Variants in RAD54L2 observed in about 807,000 individuals in gnomAD.
RAD54L2 encodes helicase ARIP4.
Under a neutral mutation model 138.4 loss-of-function variants are expected in RAD54L2, and 27 were observed. The observed-to-expected ratio is 0.20, with a 90% confidence interval of 0.14 to 0.27. The LOEUF (loss-of-function observed/expected upper bound fraction) is 0.27, where lower values mean the gene tolerates loss of function less well. RAD54L2 is among the 10% of genes least tolerant of loss of function. The pLI, the probability that RAD54L2 is intolerant of heterozygous loss-of-function variation, is 1.00. For missense variants in RAD54L2, 1,396 were observed against 1,890.2 expected (o/e 0.74, Z 4.85); for synonymous variants, 644 against 723.2 (o/e 0.89, Z 1.76).
At position 51,627,619 on chromosome 3, in the gene RAD54L2, C is replaced by T. The variant is rs758185170; in HGVS notation, c.206C>T (p.Pro69Leu). ...TTGGGAGAAGATGGGCAGCAGCCGC[C>T]GCGGTGCACTTCAACTACCTCATCT... is the stretch of plus-strand genomic sequence containing the variant. Reference protein sequence around the residue: ...AQLGEDGQQPPRCTSTTSSQS... With the variant: ...AQLGEDGQQPLRCTSTTSSQS... The change falls in exon 4 of 23, where the codon CCG becomes CTG. Residue 69 changes from proline (P) to leucine (L), a missense_variant. By Grantham distance (98) the Pro-to-Leu change is moderately conservative. This residue lies in a region of RAD54L2 where 256 missense variants were observed against 344.6 expected (regional missense o/e 0.74). Transcript: ENST00000684192. The T allele has an allele frequency of 7.0e-6, 11 of 1,572,026 alleles. No individual in the cohort carries two copies. The highest frequency in any genetic ancestry group is 4.1e-5 in the African/African-American group (3 of 73,654).
chr3:51,561,847 G>A (rs892618526), intron 2 of RAD54L2, among the ~76,000 whole-genome samples: 3 of 151,476 alleles, frequency 2.0e-5, no homozygotes, highest in African/African-American at 7.3e-5. Flanking sequence ...GGGTCATCAC[G>A]CCTGGCTTGG....
chr3:51,603,528 A>G (rs1453688024), intron 3 of RAD54L2, among the ~76,000 whole-genome samples: 1 of 151,860 alleles, frequency 6.6e-6, no homozygotes, highest in Non-Finnish European at 1.5e-5. Flanking sequence ...AATTGCTTGA[A>G]CCTGGGAGTG....
rs539541758 is a variant in RAD54L2 at position 51,555,564 on chromosome 3, G to A, written c.-55+13914G>A. On this transcript the variant is annotated intron_variant, in intron 2 of 22. Transcript: ENST00000684192. ...CCCAGCTACTTGGAGGCTGAGGTGG[G>A]AGAATTGCTTGAACCTGGGGGAGGC... 9.6e-4 allele frequency among the ~76,000 whole-genome samples: 146 copies of A among 152,300 alleles called. 1 individual carries two copies. Among genetic ancestry groups the A allele is most frequent in the Non-Finnish European group, 1.7e-3 (116 of 68,036 alleles).
intron 2 of RAD54L2, among the ~76,000 whole-genome samples, chr3:51,565,506 T>C (rs1577391696): frequency 6.6e-6 from 1 of 152,304 alleles, no homozygotes; most frequent in South Asian, 2.1e-4. Flanking sequence ...GATGGCGTCT[T>C]ACTCTGTCAC....
chr3:51,608,138 C>T (rs1309200263), intron 3 of RAD54L2, among the ~76,000 whole-genome samples: 7 of 151,702 alleles, frequency 4.6e-5, no homozygotes, highest in Non-Finnish European at 7.4e-5. Flanking sequence ...ACGCTCCTCA[C>T]CTCCCAGACG....
chr3:51,577,900 C>T (rs1699515749), intron 2 of RAD54L2, among the ~76,000 whole-genome samples: 1 of 152,130 alleles, frequency 6.6e-6, no homozygotes, highest in Admixed American at 6.6e-5. Context: ...ATCTTGGAAC[C>T]TCCCCCCAGT....
In RAD54L2 at chr3:51,629,590, G is replaced by A; in HGVS notation, c.481+117G>A. 3 of 1,305,780 alleles carry A rather than the reference G, an allele frequency of 2.3e-6. 1 individual carries two copies. In the South Asian group the frequency reaches 4.5e-5, roughly 20 times the overall value. 80.9% of individuals were successfully genotyped at this position (1,305,780 alleles called of 1,614,324 possible). A position where few individuals can be genotyped will look rare whatever the true frequency, so the allele number is the denominator to read the frequency against. ...CTGTGGCCTCTCGGCTGGGCGCGGT[G>A]GCTCACGCCTGTAATCCCAGCATTA... On this transcript the variant is annotated intron_variant, in intron 5 of 22. Coordinates refer to ENST00000684192, the MANE Select transcript of RAD54L2 (RefSeq NM_015106.4).
At chr3:51,580,860 GA>G (rs1326397147) in intron 2 of RAD54L2, among the ~76,000 whole-genome samples, 1 of 152,102 alleles carries the variant, frequency 6.6e-6, no homozygotes, top group Non-Finnish European at 1.5e-5. Flanking sequence ...AGTCACAGTG[GA>G]AAAGCGTTAA....
At chr3:51,569,998 G>A (rs1056066512) in intron 2 of RAD54L2, among the ~76,000 whole-genome samples, 2 of 151,514 alleles carry the variant, frequency 1.3e-5, no homozygotes, top group Non-Finnish European at 2.9e-5. Context: ...ATGCCCAGCT[G>A]ATTTTGTAGT....
At chr3:51,564,701 G>A (rs1699174075) in intron 2 of RAD54L2, among the ~76,000 whole-genome samples, 1 of 152,196 alleles carries the variant, frequency 6.6e-6, no homozygotes, top group Non-Finnish European at 1.5e-5. Flanking sequence ...TGGATGGCTT[G>A]AGCCCAGGAG....
chr3:51,594,902 C>T (rs892033369), intron 3 of RAD54L2, among the ~76,000 whole-genome samples: 11 of 110,392 alleles, frequency 1.0e-4, no homozygotes, highest in African/African-American at 3.8e-4. Context: ...GACGGAGTCT[C>T]GCTCTGTCAT....
intron 3 of RAD54L2, among the ~76,000 whole-genome samples, chr3:51,624,357 C>T (rs1185214253): frequency 5.3e-5 from 8 of 151,756 alleles, no homozygotes. Context: ...CTGCCTTAGC[C>T]TCTTGAGTAG....
chr3:51,606,280 T>C (rs760934710), intron 3 of RAD54L2, among the ~76,000 whole-genome samples: 9 of 152,152 alleles, frequency 5.9e-5, no homozygotes, highest in Non-Finnish European at 1.2e-4. Flanking sequence ...ACTGTCTGCA[T>C]TGTGGGTTGG....
At chr3:51,562,060 G>C (rs546711120) in intron 2 of RAD54L2, among the ~76,000 whole-genome samples, 1 of 148,168 alleles carries the variant, frequency 6.7e-6, no homozygotes, top group African/African-American at 2.5e-5. Context: ...CCCTGAGACC[G>C]AGTCTCACTC....
intron 2 of RAD54L2, among the ~76,000 whole-genome samples, chr3:51,574,770 T>C (rs935756411): frequency 6.6e-6 from 1 of 152,178 alleles, no homozygotes; most frequent in Admixed American, 6.6e-5. Flanking sequence ...GGGTAGATTG[T>C]AAAAATTTTC....
At position 51,656,112 on chromosome 3, in the gene RAD54L2, T is replaced by A. The variant is rs1163348277; in HGVS notation, c.3168T>A (p.Phe1056Leu). ...SASSTNPSMN[F>L]PINYLQRAGV... Reference sequence around the variant, plus strand: ...CCAGCACAAATCCATCCATGAACTTTCCCATCAACTACTTGCAGCGTGCAG... The same window carrying A: ...CCAGCACAAATCCATCCATGAACTTACCCATCAACTACTTGCAGCGTGCAG... The change falls in exon 20 of 23, where the codon TTT becomes TTA. Residue 1056 changes from phenylalanine (F) to leucine (L), a missense_variant. Around this residue, in one of 7 missense-constraint regions of RAD54L2, gnomAD observed 634 missense variants for 711.2 expected, o/e 0.89. Transcript: ENST00000684192. 1 of 1,613,984 alleles carries A rather than the reference T, an allele frequency of 6.2e-7. No individual in the cohort carries two copies. The highest frequency in any genetic ancestry group is 8.5e-7 in the Non-Finnish European group (1 of 1,179,888).
intron 2 of RAD54L2, among the ~76,000 whole-genome samples, chr3:51,584,139 G>A (rs1434719040): frequency 6.6e-6 from 1 of 152,072 alleles, no homozygotes; most frequent in East Asian, 1.9e-4. Flanking sequence ...AGCTGTGGCT[G>A]GAATTAGGTT....
At chr3:51,611,996 T>C (rs1003261175) in intron 3 of RAD54L2, among the ~76,000 whole-genome samples, 3 of 152,194 alleles carry the variant, frequency 2.0e-5, no homozygotes, top group African/African-American at 7.2e-5. Flanking sequence ...AGATTGCTTC[T>C]GGAATTCTGG....
intron 7 of RAD54L2, 117 bp from the exon 8 acceptor site, chr3:51,633,460 C>G: frequency 1.0e-6 from 1 of 994,950 alleles, no homozygotes; most frequent in Non-Finnish European, 1.5e-6. Context: ...CCATCCACAC[C>G]TGCTATCTAT....
Sources: gnomAD v4.1 joint callset for allele counts (sites outside exome capture counted in the v4.1 genomes callset) on GRCh38, gnomAD v4.1.1 for gene constraint, gnomAD v4.1.1 regional missense constraint, MANE v1.5 for transcripts, NCBI Gene and HGNC (gene_info 2026-07-23, HGNC 2026-07-21) for gene names.